CPLANE1: variants seen among roughly 807,000 people sequenced by gnomAD.
CPLANE1 encodes the protein ciliogenesis and planar polarity effector complex subunit 1, also known as ciliogenesis and planar polarity effector 1.
CPLANE1 carries 263 observed loss-of-function variants against 362.5 expected under a neutral mutation model. The ratio of observed to expected loss-of-function variants is 0.73; its 90% CI spans 0.66 to 0.80. The LOEUF is 0.80. CPLANE1 is among the 30% of genes least tolerant of loss of function. The pLI is 0.00. For missense variants in CPLANE1, 3,461 were observed against 3,793.4 expected, an observed-to-expected ratio of 0.91 and a Z score of 2.30; for synonymous variants, 1,212 against 1,302.6, an observed-to-expected ratio of 0.93 and a Z score of 1.50.
Position 37,245,860 on chromosome 5 carries a change from A to G in CPLANE1, c.82-15T>C. ...GCTTCTTTTTCCTAAGAGAAGAAAC[A>G]TGTGAAGGACTCAAGAGGTGCCAGA... is the stretch of plus-strand genomic sequence containing the variant. On this transcript the variant is annotated splice_polypyrimidine_tract_variant and intron_variant, in intron 2 of 52. Coordinates refer to ENST00000651892, the MANE Select transcript of CPLANE1 (RefSeq NM_001384732.1). 1 of 1,506,562 alleles carries G rather than the reference A, an allele frequency of 6.6e-7. No individual in the cohort carries two copies. The highest frequency in any genetic ancestry group is 8.8e-7 in the Non-Finnish European group (1 of 1,130,758). 93.3% of individuals were successfully genotyped at this position (1,506,562 alleles called of 1,614,324 possible). A position where few individuals can be genotyped will look rare whatever the true frequency, so the allele number is the denominator to read the frequency against.
At chr5:37,131,655 G>A (rs1033302939) in intron 46 of CPLANE1, among the ~76,000 whole-genome samples, 5 of 151,384 alleles carry the variant, frequency 3.3e-5, no homozygotes, top group East Asian at 1.9e-4. Context: ...CTCAGCCTCC[G>A]AAGTAGATGG....
intron 38 of CPLANE1, among the ~76,000 whole-genome samples, chr5:37,162,216 A>C (rs1777024333): frequency 6.6e-6 from 1 of 152,240 alleles, no homozygotes; most frequent in Non-Finnish European, 1.5e-5. Context: ...ATCCAAATTC[A>C]AAGCATTATA....
intron 9 of CPLANE1, among the ~76,000 whole-genome samples, chr5:37,230,042 G>A (rs1430203428): frequency 2.0e-5 from 3 of 151,966 alleles, no homozygotes; most frequent in African/African-American, 7.3e-5. Flanking sequence ...CAGGCATGGT[G>A]GCACATGCCT....
chr5:37,198,849 A>T lies in CPLANE1; in HGVS notation c.3525T>A (p.Leu1175=). 1 of 1,614,014 alleles carries T rather than the reference A, an allele frequency of 6.2e-7. No individual in the cohort carries two copies. The highest frequency in any genetic ancestry group is 8.5e-7 in the Non-Finnish European group (1 of 1,179,946). Residue 1175 remains leucine (L), a synonymous_variant, in exon 20 of 53, where the codon CTT becomes CTA. Transcript: ENST00000651892. The part of the protein sequence containing the change: ...AILSEEDGDD[L]LLKAEKNNRQ... ...GATTATTTTTTTCAGCTTTTAAAAG[A>T]AGATCATCACCATCTTCCTGAGGAA...
At chr5:37,128,837 C>T (rs1470544642) in intron 46 of CPLANE1, among the ~76,000 whole-genome samples, 1 of 149,578 alleles carries the variant, frequency 6.7e-6, no homozygotes, top group East Asian at 2.0e-4. Flanking sequence ...CCAGCCTGGG[C>T]AACTCTGTCA....
the CPLANE1 span, among the ~76,000 whole-genome samples, chr5:37,079,579 C>T: frequency 6.6e-6 from 1 of 152,146 alleles, no homozygotes; most frequent in Non-Finnish European, 1.5e-5. Flanking sequence ...TCCCAATTTC[C>T]AAACCAATCT....
Position 37,187,326 on chromosome 5 carries a change from G to T in CPLANE1, c.4080+88C>A, listed in dbSNP as rs1255251545. ...TGCTAAGTGAAATAATCCAAAGAAA[G>T]GCAACATCATCCTTAATTAAAATTA... On this transcript the variant is annotated intron_variant, in intron 23 of 52. Coordinates refer to ENST00000651892, the MANE Select transcript of CPLANE1 (RefSeq NM_001384732.1). 5.4e-6 allele frequency: 6 copies of T among 1,101,178 alleles called. No homozygotes were observed. In the East Asian group the frequency reaches 7.5e-5, roughly 14 times the overall value. The allele number at this position is 1,101,178 out of a possible 1,614,324, so 68.2% of individuals were successfully genotyped here. A position where few individuals can be genotyped will look rare whatever the true frequency, so the allele number is the denominator to read the frequency against.
intron 47 of CPLANE1, 146 bp from the exon 48 acceptor site, chr5:37,122,634 A>T: frequency 1.6e-6 from 1 of 643,804 alleles, no homozygotes; most frequent in Non-Finnish European, 2.5e-6. Flanking sequence ...AAAAATGTTA[A>T]ATTAAAACAT....
At chr5:37,158,483 G>T (rs1358627159) in intron 38 of CPLANE1, 138 bp from the exon 39 acceptor site, 3 of 744,818 alleles carry the variant, frequency 4.0e-6, no homozygotes, top group Non-Finnish European at 6.2e-6. Context: ...AGTGACATGG[G>T]TATAAATAAT....
intron 8 of CPLANE1, among the ~76,000 whole-genome samples, chr5:37,236,198 C>G (rs1217146573): frequency 6.6e-6 from 1 of 152,084 alleles, no homozygotes; most frequent in Non-Finnish European, 1.5e-5. Context: ...CTATAGCAGC[C>G]AAAACAGCAT....
At chr5:37,102,882 G>A (rs1394607559), downstream of CPLANE1, among the ~76,000 whole-genome samples, 1 of 152,160 alleles carries the variant, frequency 6.6e-6, no homozygotes, top group Non-Finnish European at 1.5e-5. Flanking sequence ...GTTTTGGGAT[G>A]GAGAGTTCTG....
At chr5:37,230,277 C>T (rs1248592529) in intron 9 of CPLANE1, among the ~76,000 whole-genome samples, 8 of 150,504 alleles carry the variant, frequency 5.3e-5, no homozygotes, top group South Asian at 2.1e-4. Flanking sequence ...GTAAAAGAAC[C>T]GGTATGTGAA....
intron 14 of CPLANE1, among the ~76,000 whole-genome samples, chr5:37,222,974 C>T (rs1795678968): frequency 6.6e-6 from 1 of 152,204 alleles, no homozygotes; most frequent in Non-Finnish European, 1.5e-5. Flanking sequence ...GTACAAGTCC[C>T]TTTCCTACCT....
At chr5:37,145,707 A>G (rs1771352081) in intron 43 of CPLANE1, among the ~76,000 whole-genome samples, 1 of 152,226 alleles carries the variant, frequency 6.6e-6, no homozygotes, top group Admixed American at 6.5e-5. Context: ...GAGAGAATAC[A>G]GAAAACTCCA....
chr5:37,234,392 A>G (rs993742784), intron 8 of CPLANE1, among the ~76,000 whole-genome samples: 4 of 151,702 alleles, frequency 2.6e-5, no homozygotes, highest in Admixed American at 6.6e-5. Context: ...AAAAAAAAAA[A>G]AAAGAAATTC....
At chr5:37,194,732 C>T (rs1050958023) in intron 21 of CPLANE1, among the ~76,000 whole-genome samples, 3 of 149,990 alleles carry the variant, frequency 2.0e-5, no homozygotes, top group African/African-American at 7.4e-5. Flanking sequence ...TTCACAGGTA[C>T]AATCATTGCA....
At chr5:37,140,822 C>T (rs1003477380) in intron 44 of CPLANE1, 53 of 984,632 alleles carry the variant, frequency 5.4e-5, no homozygotes, top group Middle Eastern at 5.2e-4. Context: ...ACCAAGTAAA[C>T]GTTCTTAAAA....
In CPLANE1 at chr5:37,246,822, C is replaced by CG. The variant is rs1739835452; in HGVS notation, c.81+795dup. On this transcript the variant is annotated intron_variant, in intron 2 of 52. Transcript: ENST00000651892. ...ATTCAGGAGGCTGAGGCAAGACAAT[C>CG]GCTTGAACCTGGGAGGCTGAGGTTG... 2.0e-5 allele frequency among the ~76,000 whole-genome samples: 3 copies of CG among 152,236 alleles called. No homozygotes were observed. In the South Asian group the frequency reaches 6.2e-4, roughly 32 times the overall value.
At chr5:37,173,625 A>C in intron 32 of CPLANE1, 130 bp downstream of exon 32, 2 of 797,728 alleles carry the variant, frequency 2.5e-6, no homozygotes, top group Non-Finnish European at 1.9e-6. Flanking sequence ...ATTTGAATGA[A>C]AAGTACCCAA....
Sources: gnomAD v4.1 joint callset for allele counts (sites outside exome capture counted in the v4.1 genomes callset) on GRCh38, gnomAD v4.1.1 for gene constraint, MANE v1.5 for transcripts, NCBI Gene and HGNC (gene_info 2026-07-23, HGNC 2026-07-21) for gene names.